The following NDC1 variants were observed in gnomAD, a reference collection of about 807,000 sequenced individuals.
The protein encoded by NDC1 is nucleoporin NDC1.
NDC1 carries 24 observed loss-of-function variants against 89.8 expected under a neutral mutation model. The ratio of observed to expected loss-of-function variants is 0.27; its 90% CI spans 0.19 to 0.38. NDC1 has a LOEUF of 0.38. Ranked by LOEUF, NDC1 falls within the 10% of genes least tolerant of loss-of-function variation. NDC1 has a pLI of 1.00. For synonymous variants in NDC1, 296 were observed against 284.8 expected (o/e 1.04, Z -0.39); for missense variants, 728 against 797.6 (o/e 0.91, Z 1.05).
intron 9 of NDC1, among the ~76,000 whole-genome samples, chr1:53,805,773 AT>A (rs1404200475): frequency 6.6e-6 from 1 of 152,218 alleles, no homozygotes; most frequent in African/African-American, 2.4e-5. Flanking sequence ...TGATCCAGTG[AT>A]TAAAAAATCA....
intron 6 of NDC1, among the ~76,000 whole-genome samples, chr1:53,812,610 T>A (rs1243159407): frequency 2.0e-5 from 3 of 152,174 alleles, no homozygotes; most frequent in African/African-American, 7.2e-5. Flanking sequence ...TGGGATTATG[T>A]TATACGACCA....
At chr1:53,820,715 T>C (rs1648643174) in intron 5 of NDC1, among the ~76,000 whole-genome samples, 1 of 144,378 alleles carries the variant, frequency 6.9e-6, no homozygotes. Flanking sequence ...TTTTTTTTTT[T>C]TTTTTTTTTT....
Position 53,825,859 on chromosome 1 carries a change from T to C in NDC1, c.533A>G (p.Tyr178Cys). 5 of 1,611,990 alleles carry C rather than the reference T, an allele frequency of 3.1e-6. No individual in the cohort carries two copies. The highest frequency in any genetic ancestry group is 2.2e-5 in the South Asian group (2 of 90,282). The part of the protein sequence containing the change: ...FFLLTGAFMG[Y>C]SYSLLYFVNN... The stretch of plus-strand genomic sequence containing the variant: ...AACAAAATACAGGAGGCTATAGCTA[T>C]AGCCCATAAATGCTCCAGTCAGTAG... The change falls in exon 5 of 18, where the codon TAT becomes TGT. Residue 178 changes from tyrosine (Y) to cysteine (C), a missense_variant. Coordinates refer to ENST00000371429, the MANE Select transcript of NDC1 (RefSeq NM_018087.5).
At chr1:53,800,388 T>C (rs1318198952) in intron 11 of NDC1, among the ~76,000 whole-genome samples, 1 of 128,530 alleles carries the variant, frequency 7.8e-6, no homozygotes, top group Non-Finnish European at 1.5e-5. Flanking sequence ...CAGGCTGGAG[T>C]GCAATGGCAC....
intron 13 of NDC1, among the ~76,000 whole-genome samples, chr1:53,796,137 TC>T (rs1296859190): frequency 6.6e-6 from 1 of 152,214 alleles, no homozygotes; most frequent in Non-Finnish European, 1.5e-5. Flanking sequence ...TGATACCCTC[TC>T]CCTTAGGAAC....
At chr1:53,804,122 G>GA (rs903966869) in intron 9 of NDC1, 113 bp from the exon 10 acceptor site, 5,104 of 694,928 alleles carry the variant, frequency 7.3e-3, no homozygotes, top group South Asian at 8.8e-3. Context: ...ACTTTTTCAT[G>GA]AAAAAAAAAA....
intron 7 of NDC1, among the ~76,000 whole-genome samples, chr1:53,808,081 G>T (rs760127490): frequency 6.6e-6 from 1 of 152,142 alleles, no homozygotes; most frequent in Non-Finnish European, 1.5e-5. Flanking sequence ...GCCTCACTAC[G>T]AGCAGCTGGG....
Position 53,812,274 on chromosome 1 carries a change from C to T in NDC1, c.704-2528G>A, listed in dbSNP as rs140671701. Reference sequence around the variant, plus strand: ...AACCAAGAAGAAATCCCTGACTTAACCTGAAAAAGAATTCAGGAGGTTAGT... The same window carrying T: ...AACCAAGAAGAAATCCCTGACTTAATCTGAAAAAGAATTCAGGAGGTTAGT... On this transcript the variant is annotated intron_variant, in intron 6 of 17. Coordinates refer to ENST00000371429, the MANE Select transcript of NDC1 (RefSeq NM_018087.5). 4.6e-3 allele frequency among the ~76,000 whole-genome samples: 705 copies of T among 152,242 alleles called. 4 individuals carry two copies. Among genetic ancestry groups the T allele is most frequent in the African/African-American group, 0.016 (680 of 41,534 alleles).
In NDC1 at chr1:53,765,524, G is replaced by A. The variant is rs985069267; in HGVS notation, c.*2446C>T. 22 of 151,292 alleles carry A rather than the reference G, an allele frequency of 1.5e-4. No homozygotes were observed. Among genetic ancestry groups the A allele is most frequent in the African/African-American group, 4.6e-4 (19 of 41,166 alleles). The allele number at this position is 151,292 out of a possible 1,614,324, so 9.4% of individuals were successfully genotyped here. On this transcript the variant is annotated 3_prime_UTR_variant, in exon 18 of 18. Transcript: ENST00000371429. ...TTTTTCTACCCAATCCAGTATCAAC[G>A]ATATACAAAAGGATATAAACAGACT...
rs192394978 is a variant in NDC1, at chr1:53,827,159, T to C, written c.455+840A>G. 4.2e-3 allele frequency among the ~76,000 whole-genome samples: 628 copies of C among 150,912 alleles called. 5 individuals are homozygous for C. Among genetic ancestry groups the C allele is most frequent in the African/African-American group, 0.015 (595 of 41,028 alleles). On this transcript the variant is annotated intron_variant, in intron 4 of 17. Coordinates refer to ENST00000371429, the MANE Select transcript of NDC1 (RefSeq NM_018087.5). Reference sequence around the variant, plus strand: ...GGAAAAAACAACCTGCCTTATATAATAGTAGCTGGAGGCAAAAAGAAAATC... The same window carrying C: ...GGAAAAAACAACCTGCCTTATATAACAGTAGCTGGAGGCAAAAAGAAAATC...
At chr1:53,780,688 G>T (rs1052803558) in intron 16 of NDC1, among the ~76,000 whole-genome samples, 10 of 152,024 alleles carry the variant, frequency 6.6e-5, no homozygotes, top group Non-Finnish European at 4.4e-5. Context: ...AGAAACCAAG[G>T]CTATCTAAAG....
At position 53,791,181 on chromosome 1, in the gene NDC1, C is replaced by T. The variant is rs529094143; in HGVS notation, c.1636-1985G>A. On this transcript the variant is annotated intron_variant, in intron 14 of 17. Transcript: ENST00000371429. ...TTATTTCACTTAAGATTGTGATGTC[C>T]GGCCAGGCGAGGTGGCTCACGCGGT... Among the ~76,000 whole-genome samples the T allele has an allele frequency of 5.3e-5, 8 of 152,002 alleles. No homozygotes were observed. The East Asian group carries it at 1.2e-3, about 22-fold the overall frequency.
chr1:53,807,638 AT>A lies in NDC1; in HGVS notation c.891+17del. The stretch of plus-strand genomic sequence containing the variant: ...CAAAACACAAAAGTATTAAGAAAAA[AT>A]ATTTTAAAAAACATACCTCTGTGGC... On this transcript the variant is annotated intron_variant, in intron 8 of 17. Coordinates refer to ENST00000371429, the MANE Select transcript of NDC1 (RefSeq NM_018087.5). 9.5e-6 allele frequency: 15 copies of A among 1,586,856 alleles called. No individual in the cohort carries two copies. The highest frequency in any genetic ancestry group is 1.3e-5 in the Non-Finnish European group (15 of 1,171,702).
chr1:53,814,976 C>CA (rs1648431134), intron 6 of NDC1, among the ~76,000 whole-genome samples: 1 of 151,722 alleles, frequency 6.6e-6, no homozygotes, highest in Admixed American at 6.6e-5. Context: ...AAATTACCAA[C>CA]AAAAAAAAGT....
chr1:53,804,092 T>C (rs1259706037), intron 9 of NDC1, 83 bp from the exon 10 acceptor site: 2 of 931,904 alleles, frequency 2.1e-6, no homozygotes, highest in East Asian at 2.5e-5. Flanking sequence ...TCATTATATA[T>C]CCAAGAGGAA....
At position 53,825,820 on chromosome 1, in the gene NDC1, T is replaced by C. The variant is rs374201897; in HGVS notation, c.572A>G (p.Tyr191Cys). ...TACCTGTATGATGGGAAATGGAAGATAGTTCATGTTGTTAACAAAATACAG... is the reference window on the plus strand; with the variant it reads ...TACCTGTATGATGGGAAATGGAAGACAGTTCATGTTGTTAACAAAATACAG... ...SLLYFVNNMN[Y>C]LPFPIIQQYK... The change falls in exon 5 of 18, where the codon TAT becomes TGT. Residue 191 changes from tyrosine (Y) to cysteine (C), a missense_variant. Tyr to Cys is a radical substitution (Grantham distance 194). Coordinates refer to ENST00000371429, the MANE Select transcript of NDC1 (RefSeq NM_018087.5). 5.6e-6 allele frequency: 9 copies of C among 1,593,434 alleles called. No homozygotes were observed. Among genetic ancestry groups the C allele is most frequent in the Middle Eastern group, 1.7e-4 (1 of 6,020 alleles).
At chr1:53,804,119 C>A in intron 9 of NDC1, 110 bp from the exon 10 acceptor site, 1 of 793,034 alleles carries the variant, frequency 1.3e-6, no homozygotes, top group Non-Finnish European at 2.0e-6. Flanking sequence ...TAAACTTTTT[C>A]ATGAAAAAAA....
At chr1:53,780,141 C>T (rs1192642775) in intron 16 of NDC1, among the ~76,000 whole-genome samples, 1 of 152,148 alleles carries the variant, frequency 6.6e-6, no homozygotes, top group African/African-American at 2.4e-5. Context: ...GGCACAATCG[C>T]AGCTCACCGC....
intron 16 of NDC1, 88 bp from the exon 17 acceptor site, chr1:53,772,577 A>G (rs1647124382): frequency 1.6e-6 from 2 of 1,289,396 alleles, no homozygotes; most frequent in South Asian, 1.4e-5. Context: ...TAATCCCAAC[A>G]CTTTGGAAGG....
Sources: gnomAD v4.1 joint callset for allele counts (sites outside exome capture counted in the v4.1 genomes callset) on GRCh38, gnomAD v4.1.1 for gene constraint, MANE v1.5 for transcripts, NCBI Gene and HGNC (gene_info 2026-07-23, HGNC 2026-07-21) for gene names.